Variants in GPHN observed in about 807,000 individuals in gnomAD.
GPHN encodes gephyrin.
A neutral mutation model predicts 95.5 loss-of-function variants in GPHN; 17 were observed. The observed-to-expected ratio is 0.18, with a 90% CI of 0.12 to 0.27. GPHN has a LOEUF of 0.27. Among genes scored for constraint, GPHN ranks in the 10% least tolerant of loss-of-function variants. The pLI, the probability that GPHN is intolerant of heterozygous loss-of-function variation, is 1.00. For missense variants in GPHN, 660 were observed against 978.1 expected, an observed-to-expected ratio of 0.67 and a Z score of 4.34; for synonymous variants, 320 against 322.5, an observed-to-expected ratio of 0.99 and a Z score of 0.08.
At chr14:67,251,042 A>G in the GPHN span, among the ~76,000 whole-genome samples, 5 of 152,232 alleles carry the variant, frequency 3.3e-5, no homozygotes, top group Non-Finnish European at 7.3e-5. Context: ...ATTGAGGCTC[A>G]GAGAGATTAA....
chr14:67,317,038 G>A, the GPHN span: 1 of 636,562 alleles, frequency 1.6e-6, no homozygotes, highest in Admixed American at 3.1e-5. Context: ...GATTATCTCA[G>A]AACTGTAAAG....
chr14:66,605,116 G>T (rs773214550), intron 1 of GPHN, among the ~76,000 whole-genome samples: 8 of 152,116 alleles, frequency 5.3e-5, no homozygotes, highest in Non-Finnish European at 1.2e-4. Context: ...GGGCACCTAG[G>T]TTGATTCCAT....
At chr14:67,133,708 C>T (rs1228193175) in intron 17 of GPHN, among the ~76,000 whole-genome samples, 2 of 152,176 alleles carry the variant, frequency 1.3e-5, no homozygotes, top group African/African-American at 4.8e-5. Context: ...TGAGTACATA[C>T]ACTTTTGAGA....
chr14:67,159,921 C>A (rs1303624291), intron 19 of GPHN, among the ~76,000 whole-genome samples: 2 of 152,086 alleles, frequency 1.3e-5, no homozygotes, highest in Non-Finnish European at 2.9e-5. Flanking sequence ...CTAGATATGT[C>A]ATTTTGGTAT....
chr14:67,578,302 C>T, the GPHN span: 1 of 1,026,302 alleles, frequency 9.7e-7, no homozygotes, highest in Non-Finnish European at 1.5e-6. This position sits in a 1 kb window ranked among gnomAD's most constrained non-coding sequence, Gnocchi z 5.0. Flanking sequence ...GTGAGCCCAG[C>T]CAGCGGGCAG....
At chr14:66,671,188 T>A (rs1287434096) in intron 1 of GPHN, among the ~76,000 whole-genome samples, 1 of 152,230 alleles carries the variant, frequency 6.6e-6, no homozygotes, top group African/African-American at 2.4e-5. Context: ...TGATTTAACT[T>A]GGCATATTAA....
chr14:66,562,843 A>C (rs2060319763), intron 1 of GPHN, among the ~76,000 whole-genome samples: 1 of 151,928 alleles, frequency 6.6e-6, no homozygotes, highest in Non-Finnish European at 1.5e-5. Context: ...AGTAGAGAGG[A>C]GGAGGGCAGA....
At position 66,922,805 on chromosome 14, in the gene GPHN, C is replaced by T. The variant is rs1886411694; in HGVS notation, c.596C>T (p.Thr199Ile). 1.9e-6 allele frequency: 3 copies of T among 1,612,652 alleles called. No homozygotes were observed. The highest frequency in any genetic ancestry group is 2.7e-5 in the African/African-American group (2 of 74,784). ...CCCCCTCTTTCCCCTCCTCCTACTA[C>T]CAGCCCCCATAAACAGACAGAAGAC... ...PPPPLSPPPT[T>I]SPHKQTEDKG... Residue 199 changes from threonine to isoleucine, a missense_variant, in exon 7 of 23, where the codon ACC (threonine) becomes ATC (isoleucine). Coordinates refer to ENST00000478722, the MANE Select transcript of GPHN (RefSeq NM_020806.5).
intron 9 of GPHN, among the ~76,000 whole-genome samples, chr14:66,972,546 CAGA>C (rs2069880110): frequency 6.6e-6 from 1 of 151,834 alleles, no homozygotes; most frequent in Non-Finnish European, 1.5e-5. Context: ...CTTTGGTATG[CAGA>C]AGTATTTTGT....
At chr14:66,796,559 G>A (rs1017378805) in intron 3 of GPHN, among the ~76,000 whole-genome samples, 5 of 152,038 alleles carry the variant, frequency 3.3e-5, no homozygotes, top group African/African-American at 1.2e-4. Context: ...TACTTGGGGT[G>A]AGATCATATT....
At chr14:67,613,623 A>G in the GPHN span, 1 of 221,216 alleles carries the variant, frequency 4.5e-6, no homozygotes, top group South Asian at 8.3e-5. Context: ...TACTGCAGGA[A>G]GTTTATCTGG....
At chr14:66,838,554 G>T (rs1378224156) in intron 4 of GPHN, among the ~76,000 whole-genome samples, 3 of 152,086 alleles carry the variant, frequency 2.0e-5, no homozygotes, top group African/African-American at 7.2e-5. Flanking sequence ...AAAATGAAAA[G>T]AGGCTAGCAT....
intron 19 of GPHN, 137 bp downstream of exon 19, chr14:67,159,625 C>T: frequency 1.4e-6 from 1 of 713,666 alleles, no homozygotes; most frequent in Non-Finnish European, 2.6e-6. Flanking sequence ...GTATTAGGAT[C>T]CTTTGCACAA....
the GPHN span, chr14:67,321,080 C>T: frequency 6.2e-7 from 1 of 1,614,052 alleles, no homozygotes; most frequent in South Asian, 1.1e-5. Flanking sequence ...TAGGCGAGAC[C>T]AAGAAGTAGC....
the GPHN span, chr14:67,374,502 A>T: frequency 6.2e-7 from 1 of 1,608,254 alleles, no homozygotes; most frequent in South Asian, 1.1e-5. Context: ...GAGTTTCTCC[A>T]GAGGAAGCAA....
the GPHN span, among the ~76,000 whole-genome samples, chr14:67,637,440 T>C: frequency 2.5e-4 from 37 of 148,762 alleles, no homozygotes; most frequent in Non-Finnish European, 3.0e-4. Context: ...AAAAGAACTT[T>C]AATATTACTC....
the GPHN span, chr14:67,599,992 T>C: frequency 6.5e-6 from 10 of 1,526,752 alleles, no homozygotes; most frequent in Non-Finnish European, 7.9e-6. Context: ...ACCCCCTCCT[T>C]CGAGCGCGGG....
chr14:67,086,456 C>A (rs1761395598), intron 11 of GPHN, among the ~76,000 whole-genome samples: 1 of 151,656 alleles, frequency 6.6e-6, no homozygotes, highest in Non-Finnish European at 1.5e-5. Context: ...TCGAGACCAT[C>A]CTGGCTAACA....
chr14:67,690,645 G>A, the GPHN span: 1 of 522,488 alleles, frequency 1.9e-6, no homozygotes, highest in South Asian at 2.2e-5. Flanking sequence ...TAGACTATGT[G>A]AATATGAAGT....
Sources: gnomAD v4.1 joint callset for allele counts (sites outside exome capture counted in the v4.1 genomes callset) on GRCh38, gnomAD v4.1.1 for gene constraint, Gnocchi (gnomAD v3.1) non-coding constraint, MANE v1.5 for transcripts, NCBI Gene and HGNC (gene_info 2026-07-23, HGNC 2026-07-21) for gene names.